RGSL1: variants seen among roughly 807,000 people sequenced by gnomAD.
RGSL1 encodes the protein regulator of G protein signaling like 1, also known as regulator of G protein signaling protein-like.
RGSL1 carries 97 observed loss-of-function variants against 124.7 expected under a neutral mutation model. The observed-to-expected ratio is 0.78, with a 90% CI of 0.66 to 0.92. The LOEUF (loss-of-function observed/expected upper bound fraction) is 0.92. Ranked by LOEUF, RGSL1 falls within the 40% of genes least tolerant of loss-of-function variation. The probability of loss-of-function intolerance (pLI) is 0.00; values close to 1 mark genes in which losing one functional copy is unlikely to be tolerated. For missense variants in RGSL1, 1,233 were observed against 1,288.4 expected (o/e 0.96, Z 0.66); for synonymous variants, 424 against 438.1 (o/e 0.97, Z 0.40).
At chr1:182,477,633 A>G (rs1435248658) in intron 6 of RGSL1, among the ~76,000 whole-genome samples, 1 of 152,072 alleles carries the variant, frequency 6.6e-6, no homozygotes, top group African/African-American at 2.4e-5. Context: ...CTATAACCCA[A>G]ACCACCTGCA....
chr1:182,492,875 C>T, intron 8 of RGSL1, 147 bp from the exon 9 acceptor site: 1 of 632,144 alleles, frequency 1.6e-6, no homozygotes, highest in Middle Eastern at 3.2e-4. Flanking sequence ...GTGATCCACC[C>T]ATCTCAGCCT....
At position 182,525,261 on chromosome 1, in the gene RGSL1, A is replaced by C. The variant is rs573574509; in HGVS notation, c.1932-2318A>C. On this transcript the variant is annotated intron_variant, in intron 10 of 21. Transcript: ENST00000294854. ...ACACACACAAACAAAAATCCCAGGA[A>C]AGTATGGTCCATCCACAGGGAGAAT... is the stretch of plus-strand genomic sequence containing the variant. Among the ~76,000 whole-genome samples, 243 of 152,272 alleles carry C rather than the reference A, an allele frequency of 1.6e-3. No individual in the cohort carries two copies. The Middle Eastern group carries it at 0.024, about 15-fold the overall frequency.
rs1655320145 is a variant in RGSL1 at position 182,488,967 on chromosome 1, CCTCTT to C, written c.1495-7_1495-3del. 1 of 1,546,652 alleles carries C rather than the reference CCTCTT, an allele frequency of 6.5e-7. No homozygotes were observed. Among genetic ancestry groups the C allele is most frequent in the Non-Finnish European group, 8.7e-7 (1 of 1,144,632 alleles). ...GTAACAAATGCCATCTTCCCCTCAC[CCTCTT>C]CTCTTAGACACAGAACAGGTTCATC... On this transcript the variant is annotated splice_region_variant and splice_polypyrimidine_tract_variant and intron_variant, in intron 7 of 21. Transcript: ENST00000294854.
chr1:182,553,203 T>C (rs1457862866), intron 18 of RGSL1, among the ~76,000 whole-genome samples: 1 of 152,188 alleles, frequency 6.6e-6, no homozygotes, highest in Admixed American at 6.5e-5. Flanking sequence ...TGTGCCTGGC[T>C]AGCCTCATCA....
rs114681111 is a variant in RGSL1 at position 182,513,239 on chromosome 1, G to A, written c.1826-8765G>A. On this transcript the variant is annotated intron_variant, in intron 9 of 21. Transcript: ENST00000294854. ...ACCTGAGCTACTTCCTGCTGACAGG[G>A]GGCATTGTTTTGGGGAAAACAGAAG... is the stretch of plus-strand genomic sequence containing the variant. Among the ~76,000 whole-genome samples, 1,365 of 152,310 alleles carry A rather than the reference G, an allele frequency of 9.0e-3. 14 individuals are homozygous for A. Among genetic ancestry groups the A allele is most frequent in the African/African-American group, 0.025 (1,042 of 41,560 alleles).
At chr1:182,480,202 G>T (rs1654589715) in intron 6 of RGSL1, among the ~76,000 whole-genome samples, 1 of 152,070 alleles carries the variant, frequency 6.6e-6, no homozygotes. Context: ...TTCATCCCAG[G>T]TGCACATGAA....
intron 6 of RGSL1, among the ~76,000 whole-genome samples, chr1:182,478,708 A>G (rs73057378): frequency 0.014 from 2,161 of 152,310 alleles, 43 homozygotes; most frequent in African/African-American, 0.049. Context: ...TCACAAATCT[A>G]GGGAGAGAAA....
At chr1:182,452,652 C>G (rs936248712) in intron 1 of RGSL1, among the ~76,000 whole-genome samples, 6 of 152,012 alleles carry the variant, frequency 3.9e-5, no homozygotes, top group African/African-American at 1.4e-4. Flanking sequence ...AGGGTTTCAT[C>G]ATGTTGGTCA....
At chr1:182,451,614 A>T (rs1473388942) in intron 1 of RGSL1, among the ~76,000 whole-genome samples, 1 of 151,194 alleles carries the variant, frequency 6.6e-6, no homozygotes, top group East Asian at 2.0e-4. Context: ...GAGTGCGCAG[A>T]GAGGCAGGAA....
chr1:182,463,598 T>TA (rs1204415054), intron 4 of RGSL1, among the ~76,000 whole-genome samples: 16 of 152,144 alleles, frequency 1.1e-4, no homozygotes, highest in Admixed American at 7.9e-4. Context: ...CTTTAAGTTT[T>TA]AAAAAAAGTT....
At chr1:182,459,063 T>C (rs1571468809) in intron 3 of RGSL1, among the ~76,000 whole-genome samples, 1 of 151,910 alleles carries the variant, frequency 6.6e-6, no homozygotes, top group African/African-American at 2.4e-5. Context: ...CAAGAAAGAG[T>C]CTGGGAATTG....
rs1391567880 is a variant in RGSL1 at position 182,522,107 on chromosome 1, C to T, written c.1929C>T (p.Pro643=). Residue 643 remains proline, a splice_region_variant and synonymous_variant, in exon 10 of 22, where the codon CCC becomes CCT. Transcript: ENST00000294854. The part of the protein sequence containing the change: ...RTLVRKPSMR[P]RNLTEVLLNT... Reference sequence around the variant, plus strand: ...TTGTAAGGAAGCCATCAATGAGACCCAGGTGAGATATAGAATCTGTTTACA... The same window carrying T: ...TTGTAAGGAAGCCATCAATGAGACCTAGGTGAGATATAGAATCTGTTTACA... The T allele has an allele frequency of 6.5e-7, 1 of 1,543,598 alleles. No homozygotes were observed. The highest frequency in any genetic ancestry group is 1.4e-5 in the African/African-American group (1 of 72,680).
intron 7 of RGSL1, 131 bp from the exon 8 acceptor site, chr1:182,488,849 C>T (rs1655310327): frequency 3.0e-6 from 2 of 671,484 alleles, no homozygotes; most frequent in Non-Finnish European, 5.0e-6. Context: ...AGCAATGGTT[C>T]TTAACAACTG....
rs995804505 is a variant in RGSL1, at chr1:182,493,156, G to T, written c.1825+27G>T. 5 of 1,422,208 alleles carry T rather than the reference G, an allele frequency of 3.5e-6. No individual in the cohort carries two copies. The South Asian group carries it at 3.7e-5, about 11-fold the overall frequency. 88.1% of individuals were successfully genotyped at this position (1,422,208 alleles called of 1,614,324 possible). A position where few individuals can be genotyped will look rare whatever the true frequency, so the allele number is the denominator to read the frequency against. On this transcript the variant is annotated intron_variant, in intron 9 of 21. Coordinates refer to ENST00000294854, the MANE Select transcript of RGSL1 (RefSeq NM_001137669.2). ...CAAGTGTTTAAAATCAGGGATAGAC[G>T]AGGCAACTAGGTTTTTTCAAATCTA...
chr1:182,473,194 A>G (rs1653990571), intron 5 of RGSL1, among the ~76,000 whole-genome samples: 1 of 152,218 alleles, frequency 6.6e-6, no homozygotes, highest in African/African-American at 2.4e-5. Context: ...TGACATTAAA[A>G]TCAGGGCTAG....
chr1:182,461,647 AT>A (rs1338917215), intron 4 of RGSL1, among the ~76,000 whole-genome samples: 1 of 152,184 alleles, frequency 6.6e-6, no homozygotes. Flanking sequence ...AAATGGAAAT[AT>A]TAATACAGAG....
rs185924720 is a variant in RGSL1 at position 182,517,376 on chromosome 1, G to C, written c.1826-4628G>C. On this transcript the variant is annotated intron_variant, in intron 9 of 21. Transcript: ENST00000294854. ...GTCTTATTTGGGTCAAATCTGTTTG[G>C]TGTTCTCTGACCTTCCTGTACCTGG... Among the ~76,000 whole-genome samples, 1,122 of 151,338 alleles carry C rather than the reference G, an allele frequency of 7.4e-3. 15 individuals are homozygous for C. Among genetic ancestry groups the C allele is most frequent in the Middle Eastern group, 0.031 (9 of 294 alleles).
chr1:182,460,004 A>G lies in RGSL1; in HGVS notation c.172A>G (p.Ile58Val). Residue 58 changes from isoleucine to valine, a missense_variant and splice_region_variant, in exon 4 of 22, where the codon ATT becomes GTT. Ile to Val is a conservative substitution (Grantham distance 29). Coordinates refer to ENST00000294854, the MANE Select transcript of RGSL1 (RefSeq NM_001137669.2). ...TGTTTCTATTTTGCTTTGACTCTAG[A>G]TTGCCAAATACAAAGGGTTATTGAC... Reference protein sequence around the residue: ...SLWPEIPCNLIAKYKGLLTWL... With the variant: ...SLWPEIPCNLVAKYKGLLTWL... The G allele has an allele frequency of 6.5e-7, 1 of 1,549,910 alleles. No homozygotes were observed.
intron 4 of RGSL1, chr1:182,471,382 T>C (rs1371515094): frequency 8.7e-6 from 4 of 457,338 alleles, no homozygotes; most frequent in Non-Finnish European, 1.8e-5. Flanking sequence ...TCACAGGCAG[T>C]GCAGGTGGGT....
Sources: gnomAD v4.1 joint callset for allele counts (sites outside exome capture counted in the v4.1 genomes callset) on GRCh38, gnomAD v4.1.1 for gene constraint, MANE v1.5 for transcripts, NCBI Gene and HGNC (gene_info 2026-07-23, HGNC 2026-07-21) for gene names.